FBXL7: variants seen among roughly 807,000 people sequenced by gnomAD.
FBXL7 encodes the protein F-box/LRR-repeat protein 7.
Under a neutral mutation model 38.3 loss-of-function variants are expected in FBXL7, and 12 were observed. That is an observed-to-expected ratio of 0.31 (90% CI 0.20 to 0.51). The LOEUF is 0.51. Among genes scored for constraint, FBXL7 ranks in the 20% least tolerant of loss-of-function variants. FBXL7 has a pLI of 0.98. For synonymous variants in FBXL7, 297 were observed against 300.9 expected (o/e 0.99, Z 0.13); for missense variants, 567 against 676.4 (o/e 0.84, Z 1.79).
At chr5:15,703,830 T>C (rs1193329351) in intron 2 of FBXL7, among the ~76,000 whole-genome samples, 1 of 152,178 alleles carries the variant, frequency 6.6e-6, no homozygotes, top group East Asian at 1.9e-4. Context: ...TGACCTTACT[T>C]TAGCTGAAAA....
intron 2 of FBXL7, among the ~76,000 whole-genome samples, chr5:15,860,612 T>C (rs1363780995): frequency 6.6e-6 from 1 of 152,202 alleles, no homozygotes; most frequent in African/African-American, 2.4e-5. Context: ...TTCCAGTCTT[T>C]GTTGTCTTCT....
rs139951716 is a variant in FBXL7 at position 15,704,365 on chromosome 5, A to T, written c.127+88293A>T. ...TATAATTCAATGGTAGAACTTTTTTATGGGGGGTGTTAGTTACTAAAACTG... is the reference window on the plus strand; with the variant it reads ...TATAATTCAATGGTAGAACTTTTTTTTGGGGGGTGTTAGTTACTAAAACTG... On this transcript the variant is annotated intron_variant, in intron 2 of 3. Coordinates refer to ENST00000504595, the MANE Select transcript of FBXL7 (RefSeq NM_012304.5). Among the ~76,000 whole-genome samples, 29 of 152,266 alleles carry T rather than the reference A, an allele frequency of 1.9e-4. 2 individuals are homozygous for T. Among genetic ancestry groups the T allele is most frequent in the Admixed American group, 1.9e-3 (29 of 15,282 alleles).
At chr5:15,549,980 G>A (rs866471301) in intron 1 of FBXL7, among the ~76,000 whole-genome samples, 21 of 152,302 alleles carry the variant, frequency 1.4e-4, no homozygotes, top group South Asian at 1.2e-3. Context: ...TGCATGCAAG[G>A]TACCTGCAGA....
intron 1 of FBXL7, among the ~76,000 whole-genome samples, chr5:15,519,559 A>C (rs530577902): frequency 6.6e-6 from 1 of 152,240 alleles, no homozygotes; most frequent in East Asian, 1.9e-4. Context: ...GTTATGCTCT[A>C]TTTCTTCCTC....
intron 2 of FBXL7, among the ~76,000 whole-genome samples, chr5:15,841,524 G>A (rs1414460122): frequency 6.6e-6 from 1 of 151,924 alleles, no homozygotes; most frequent in Non-Finnish European, 1.5e-5. Flanking sequence ...AGCTTGCAGT[G>A]GTCGATTTCT....
At chr5:15,672,673 G>A (rs1055284138) in intron 2 of FBXL7, among the ~76,000 whole-genome samples, 1 of 150,806 alleles carries the variant, frequency 6.6e-6, no homozygotes. Context: ...TCCTGCCTCA[G>A]CCTCCCAAGT....
chr5:15,841,877 T>C (rs182655234), intron 2 of FBXL7, among the ~76,000 whole-genome samples: 61 of 152,342 alleles, frequency 4.0e-4, no homozygotes, highest in Non-Finnish European at 7.4e-4. Context: ...AACCTTTGTC[T>C]AGATTTCAGA....
chr5:15,740,601 A>G (rs1311813547), intron 2 of FBXL7, among the ~76,000 whole-genome samples: 1 of 152,218 alleles, frequency 6.6e-6, no homozygotes, highest in Non-Finnish European at 1.5e-5. Flanking sequence ...CATGAATCAC[A>G]AATGAGGGTG....
intron 2 of FBXL7, among the ~76,000 whole-genome samples, chr5:15,838,405 C>A (rs1036536050): frequency 1.4e-4 from 22 of 152,122 alleles, no homozygotes; most frequent in African/African-American, 5.3e-4. Flanking sequence ...AGCACTAATC[C>A]CACTCATGAG....
chr5:15,620,406 GT>G (rs368712808), intron 2 of FBXL7, among the ~76,000 whole-genome samples: 8 of 116,648 alleles, frequency 6.9e-5, no homozygotes, highest in Admixed American at 4.2e-4. Context: ...CTAATTTTTT[GT>G]TTTTTGTTTT....
chr5:15,831,610 G>T (rs1337511585), intron 2 of FBXL7, among the ~76,000 whole-genome samples: 1 of 152,186 alleles, frequency 6.6e-6, no homozygotes, highest in Non-Finnish European at 1.5e-5. Flanking sequence ...AATGTGCAGG[G>T]TGAGCCAAGA....
chr5:15,580,870 G>C (rs1473311217), intron 1 of FBXL7: 1 of 952,712 alleles, frequency 1.0e-6, no homozygotes, highest in Non-Finnish European at 1.2e-6. Context: ...TGCATGGCTG[G>C]AAGGGGCATG....
intron 1 of FBXL7, among the ~76,000 whole-genome samples, chr5:15,507,021 C>A (rs916433723): frequency 3.3e-5 from 5 of 150,560 alleles, no homozygotes; most frequent in African/African-American, 1.2e-4. Flanking sequence ...TATGTTTCAT[C>A]CACTTATAAC....
intron 2 of FBXL7, among the ~76,000 whole-genome samples, chr5:15,912,386 C>T (rs1330616306): frequency 8.7e-5 from 12 of 138,180 alleles, no homozygotes; most frequent in East Asian, 4.4e-4. Context: ...CTTCGGCTCG[C>T]GCACGGTGCG....
At chr5:15,751,142 TC>T (rs1736144748) in intron 2 of FBXL7, among the ~76,000 whole-genome samples, 1 of 152,220 alleles carries the variant, frequency 6.6e-6, no homozygotes. Context: ...CAGAGATATT[TC>T]CATGATGTTC....
At chr5:15,785,227 G>A (rs190721230) in intron 2 of FBXL7, among the ~76,000 whole-genome samples, 28 of 152,318 alleles carry the variant, frequency 1.8e-4, no homozygotes, top group African/African-American at 6.5e-4. Flanking sequence ...CCAAACGGCT[G>A]TCGAGGCAAC....
intron 2 of FBXL7, among the ~76,000 whole-genome samples, chr5:15,769,137 G>A (rs1736666787): frequency 6.6e-6 from 1 of 152,166 alleles, no homozygotes. Flanking sequence ...CATGGCCTTT[G>A]GCACATGGCT....
At chr5:15,668,788 A>G (rs1217158509) in intron 2 of FBXL7, among the ~76,000 whole-genome samples, 1 of 152,202 alleles carries the variant, frequency 6.6e-6, no homozygotes, top group Admixed American at 6.5e-5. Flanking sequence ...CTCAGTTCTA[A>G]CTTATGTAAA....
At chr5:15,623,916 G>A (rs780718286) in intron 2 of FBXL7, among the ~76,000 whole-genome samples, 20 of 152,184 alleles carry the variant, frequency 1.3e-4, no homozygotes, top group Non-Finnish European at 2.2e-4. Context: ...TGTAAAATTA[G>A]TAGGTGGCAA....
Sources: gnomAD v4.1 joint callset for allele counts (sites outside exome capture counted in the v4.1 genomes callset) on GRCh38, gnomAD v4.1.1 for gene constraint, MANE v1.5 for transcripts, NCBI Gene and HGNC (gene_info 2026-07-23, HGNC 2026-07-21) for gene names.